The following ERAP2 variants were observed in gnomAD, a reference collection of about 807,000 sequenced individuals.
The protein encoded by ERAP2 is leukocyte-derived arginine aminopeptidase.
A neutral mutation model predicts 111.1 loss-of-function variants in ERAP2; 118 were observed. That is an observed-to-expected ratio of 1.06 (90% CI 0.92 to 1.24). The LOEUF (loss-of-function observed/expected upper bound fraction) is 1.24. ERAP2 is among the 50% of genes most tolerant of loss of function. ERAP2 has a pLI of 0.00. For missense variants in ERAP2, 1,131 were observed against 1,125.8 expected (o/e 1.00, Z -0.07); for synonymous variants, 410 against 401.2 (o/e 1.02, Z -0.26).
intron 9 of ERAP2, among the ~76,000 whole-genome samples, chr5:96,897,510 G>T (rs1294484193): frequency 6.7e-6 from 1 of 150,008 alleles, no homozygotes; most frequent in Non-Finnish European, 1.5e-5. Flanking sequence ...GTTCAATAAT[G>T]ATAATGTGCT....
At chr5:96,915,922 G>C (rs1787327206) in intron 18 of ERAP2, 153 bp downstream of exon 18, 3 of 557,788 alleles carry the variant, frequency 5.4e-6, no homozygotes, top group Non-Finnish European at 9.1e-6. Context: ...GGAAGGGACA[G>C]GATTAAAACC....
chr5:96,909,986 C>T, intron 15 of ERAP2: 1 of 439,944 alleles, frequency 2.3e-6, no homozygotes. Flanking sequence ...CCGGTGCTGG[C>T]TGGATGCAGT....
intron 16 of ERAP2, 49 bp from the exon 17 acceptor site, chr5:96,913,268 A>G: frequency 1.3e-6 from 2 of 1,488,254 alleles, no homozygotes; most frequent in Non-Finnish European, 1.9e-6. Flanking sequence ...GTTAATGTCC[A>G]TGTACATAAT....
Position 96,879,744 on chromosome 5 carries a change from G to C in ERAP2, c.59G>C (p.Arg20Thr), listed in dbSNP as rs778522413. ...SHRKPMFNIH[R>T]GFYCLTAILP... ...AGAAAACCAATGTTTAACATTCACA[G>C]AGGATTTTACTGCTTAACAGCCATC... Residue 20 changes from arginine (R) to threonine (T), a missense_variant, in exon 2 of 19, where the codon AGA (arginine) becomes ACA (threonine). Coordinates refer to ENST00000437043, the MANE Select transcript of ERAP2 (RefSeq NM_022350.5). 64 of 1,614,052 alleles carry C rather than the reference G, an allele frequency of 4.0e-5. No homozygotes were observed. The highest frequency in any genetic ancestry group is 5.3e-5 in the Non-Finnish European group (63 of 1,180,030).
rs1464751733 is a variant in ERAP2, at chr5:96,879,544, A to C, written c.-122-20A>C. On this transcript the variant is annotated intron_variant, in intron 1 of 18. Coordinates refer to ENST00000437043, the MANE Select transcript of ERAP2 (RefSeq NM_022350.5). ...TTGAAATCTTTTTTGTCATGCTATA[A>C]GTGTGTTTTTTTCTTCTAGATTAAA... 4 of 622,960 alleles carry C rather than the reference A, an allele frequency of 6.4e-6. No individual in the cohort carries two copies. Among genetic ancestry groups the C allele is most frequent in the African/African-American group, 3.7e-5 (2 of 54,330 alleles). The allele number at this position is 622,960 out of a possible 1,614,324, so 38.6% of individuals were successfully genotyped here.
intron 6 of ERAP2, among the ~76,000 whole-genome samples, chr5:96,894,770 C>A (rs1362327142): frequency 6.6e-6 from 1 of 151,918 alleles, no homozygotes; most frequent in Non-Finnish European, 1.5e-5. Context: ...CCTGAGAGCC[C>A]TAAATGAATT....
At chr5:96,901,283 A>G (rs1279622091) in intron 10 of ERAP2, among the ~76,000 whole-genome samples, 2 of 152,088 alleles carry the variant, frequency 1.3e-5, no homozygotes, top group Non-Finnish European at 2.9e-5. Context: ...TATTCACCCT[A>G]CTATATCCTG....
chr5:96,889,749 G>A (rs1357884927), intron 5 of ERAP2, among the ~76,000 whole-genome samples: 3 of 152,058 alleles, frequency 2.0e-5, no homozygotes, highest in African/African-American at 7.2e-5. Flanking sequence ...TCTTCTGTGG[G>A]AGGGAAACAC....
At chr5:96,884,237 G>A (rs1783497098) in intron 3 of ERAP2, among the ~76,000 whole-genome samples, 1 of 152,134 alleles carries the variant, frequency 6.6e-6, no homozygotes, top group Non-Finnish European at 1.5e-5. Context: ...ATGAAATTCA[G>A]AATTTCCTAG....
chr5:96,898,147 G>T (rs375212511), intron 9 of ERAP2, among the ~76,000 whole-genome samples: 1 of 152,082 alleles, frequency 6.6e-6, no homozygotes, highest in Non-Finnish European at 1.5e-5. Context: ...AGTGAGCCGA[G>T]ATTGCACCAC....
At chr5:96,889,606 G>T in intron 5 of ERAP2, 5 of 660,458 alleles carry the variant, frequency 7.6e-6, no homozygotes, top group Non-Finnish European at 1.4e-5. Context: ...CGGAAGCCAG[G>T]TAGAGGGTCC....
chr5:96,893,902 C>T (rs1195061224), intron 6 of ERAP2, among the ~76,000 whole-genome samples: 1 of 152,156 alleles, frequency 6.6e-6, no homozygotes, highest in Admixed American at 6.6e-5. Context: ...TCTGAACATG[C>T]CAGGTTGTAT....
intron 3 of ERAP2, 56 bp downstream of exon 3, chr5:96,883,986 C>A: frequency 2.0e-6 from 3 of 1,494,692 alleles, no homozygotes; most frequent in African/African-American, 2.9e-5. Flanking sequence ...ACTCAGTCTT[C>A]GTTTGTTTTT....
Position 96,892,462 on chromosome 5 carries a change from C to T in ERAP2, c.1125+9C>T, listed in dbSNP as rs140735506. ...ATGAACTGGCGCACCAGGTACTTGG[C>T]ACTCATGACATTATCTCGATATCAG... On this transcript the variant is annotated intron_variant, in intron 6 of 18. Coordinates refer to ENST00000437043, the MANE Select transcript of ERAP2 (RefSeq NM_022350.5). 31 of 1,613,442 alleles carry T rather than the reference C, an allele frequency of 1.9e-5. No homozygotes were observed. The Middle Eastern group carries it at 1.2e-3, about 60-fold the overall frequency.
In ERAP2 at chr5:96,879,891, T is replaced by TCC. The variant is rs755606139; in HGVS notation, c.209_210dup (p.Ser71ProfsTer62). 1 of 1,614,142 alleles carries TCC rather than the reference T, an allele frequency of 6.2e-7. No individual in the cohort carries two copies. The highest frequency in any genetic ancestry group is 8.5e-7 in the Non-Finnish European group (1 of 1,180,020). ...CGATTTCCTTGGCAGGAGCTAAGGC[T>TCC]CCCCAGTGTGGTCATTCCTCTCCAT... On this transcript the variant is annotated frameshift_variant, in exon 2 of 19. Transcript: ENST00000437043. LOFTEE classifies it high-confidence loss of function.
In ERAP2 at chr5:96,896,519, G is replaced by A. The variant is rs139804839; in HGVS notation, c.1371+15G>A. 3.7e-4 allele frequency: 593 copies of A among 1,605,550 alleles called. 3 individuals are homozygous for A. In the East Asian group the frequency reaches 0.012, roughly 32 times the overall value. ...CCTATAACAAGGTAGTAAATATCAG[G>A]TGCAGGTGGAAGCTCTGCTTTCAGA... is the stretch of plus-strand genomic sequence containing the variant. On this transcript the variant is annotated intron_variant, in intron 8 of 18. Coordinates refer to ENST00000437043, the MANE Select transcript of ERAP2 (RefSeq NM_022350.5).
At chr5:96,902,650 A>G in intron 12 of ERAP2, 1 of 213,938 alleles carries the variant, frequency 4.7e-6, no homozygotes. Flanking sequence ...CAGGTTATGG[A>G]TAAGGCAAAA....
intron 9 of ERAP2, among the ~76,000 whole-genome samples, chr5:96,899,086 A>AT (rs1235921363): frequency 1.3e-5 from 2 of 152,144 alleles, no homozygotes; most frequent in African/African-American, 2.4e-5. Flanking sequence ...TTCCTGTGTT[A>AT]TTTTTTGTCA....
chr5:96,892,479 C>T lies in ERAP2; in HGVS notation c.1125+26C>T, dbSNP rs895248945. 3.7e-6 allele frequency: 6 copies of T among 1,612,152 alleles called. No homozygotes were observed. In the East Asian group the frequency reaches 6.7e-5, roughly 18 times the overall value. On this transcript the variant is annotated intron_variant, in intron 6 of 18. Transcript: ENST00000437043. ...GTACTTGGCACTCATGACATTATCT[C>T]GATATCAGTTCAAAATAACATTATA...
Sources: gnomAD v4.1 joint callset for allele counts (sites outside exome capture counted in the v4.1 genomes callset) on GRCh38, gnomAD v4.1.1 for gene constraint, MANE v1.5 for transcripts, NCBI Gene and HGNC (gene_info 2026-07-23, HGNC 2026-07-21) for gene names.